Variants in WDR26 observed in about 807,000 individuals in gnomAD.
The protein encoded by WDR26 is WD repeat domain 26, also known as WD repeat-containing protein 26.
WDR26 carries 5 observed loss-of-function variants against 84.1 expected under a neutral mutation model. The observed-to-expected ratio is 0.06, with a 90% CI of 0.03 to 0.13. The LOEUF (loss-of-function observed/expected upper bound fraction) is 0.13, where lower values mean the gene tolerates loss of function less well. Among genes scored for constraint, WDR26 ranks in the 10% least tolerant of loss-of-function variants. The probability of loss-of-function intolerance (pLI) is 1.00; values close to 1 mark genes in which losing one functional copy is unlikely to be tolerated. For synonymous variants in WDR26, 415 were observed against 389.6 expected, an observed-to-expected ratio of 1.07 and a Z score of -0.77; for missense variants, 642 against 974.9, an observed-to-expected ratio of 0.66 and a Z score of 4.55.
intron 7 of WDR26, among the ~76,000 whole-genome samples, chr1:224,406,940 G>A (rs1186095755): frequency 6.6e-6 from 1 of 150,720 alleles, no homozygotes; most frequent in Non-Finnish European, 1.5e-5. Context: ...TGGCCAATGT[G>A]GTGAAACCCT....
chr1:224,407,698 T>C (rs999968228), intron 7 of WDR26, among the ~76,000 whole-genome samples: 36 of 151,850 alleles, frequency 2.4e-4, no homozygotes, highest in African/African-American at 8.5e-4. Flanking sequence ...TTACTAGAGA[T>C]GGGGTTTCAC....
chr1:224,425,402 G>T (rs368380498), intron 3 of WDR26, among the ~76,000 whole-genome samples: 8 of 152,306 alleles, frequency 5.3e-5, no homozygotes, highest in African/African-American at 1.9e-4. Flanking sequence ...TCTGATCACT[G>T]ATGCATTTAA....
chr1:224,404,692 C>T (rs1425987710), intron 7 of WDR26, 122 bp from the exon 8 acceptor site: 2 of 1,214,392 alleles, frequency 1.6e-6, no homozygotes, highest in Non-Finnish European at 2.2e-6. Flanking sequence ...ATTTTCAGAC[C>T]AATTTTCCCT....
At chr1:224,396,380 A>C (rs1469702970) in intron 12 of WDR26, among the ~76,000 whole-genome samples, 1 of 152,210 alleles carries the variant, frequency 6.6e-6, no homozygotes, top group African/African-American at 2.4e-5. Flanking sequence ...AGCAGGATTG[A>C]ATAGACCATG....
At chr1:224,394,073 A>G in intron 12 of WDR26, 60 bp from the exon 13 acceptor site, 1 of 1,309,162 alleles carries the variant, frequency 7.6e-7, no homozygotes, top group Admixed American at 2.5e-5. Context: ...AACTGATCTT[A>G]AATTTATCAT....
In WDR26 at chr1:224,385,731, T is replaced by A. The variant is rs2102879349; in HGVS notation, c.*4104A>T. The stretch of plus-strand genomic sequence containing the variant: ...ACACATTTTCAAGGAGCCAATAACA[T>A]TTTTTTCCATCTGTGCCTAAAAATG... On this transcript the variant is annotated 3_prime_UTR_variant, in exon 14 of 14. Coordinates refer to ENST00000414423, the MANE Select transcript of WDR26 (RefSeq NM_001379403.1). 1 of 152,660 alleles carries A rather than the reference T, an allele frequency of 6.6e-6. No individual in the cohort carries two copies. The highest frequency in any genetic ancestry group is 1.9e-4 in the East Asian group (1 of 5,190). The allele number at this position is 152,660 out of a possible 1,614,324, so 9.5% of individuals were successfully genotyped here.
rs1436874561 is a variant in WDR26, at chr1:224,433,856, C to T, written c.550G>A (p.Ala184Thr). 6.5e-7 allele frequency: 1 copy of T among 1,536,898 alleles called. No individual in the cohort carries two copies. The highest frequency in any genetic ancestry group is 1.2e-5 in the South Asian group (1 of 84,058). Residue 184 changes from alanine (A) to threonine (T), a missense_variant, in exon 1 of 14, where the codon GCG becomes ACG. This residue lies in a region of WDR26 where 291 missense variants were observed against 302.1 expected (regional missense o/e 0.96). Transcript: ENST00000414423. The stretch of plus-strand genomic sequence containing the variant: ...ACGGTGGCTGAGGATGCGGCGGCCG[C>T]CCCGCCGGGAACCCCGTTATTGACA...
chr1:224,386,594 CTAATAA>C lies in WDR26; in HGVS notation c.*3235_*3240del, dbSNP rs778562956. The C allele has an allele frequency of 1.3e-5, 2 of 152,466 alleles. No homozygotes were observed. Among genetic ancestry groups the C allele is most frequent in the African/African-American group, 4.8e-5 (2 of 41,402 alleles). The allele number at this position is 152,466 out of a possible 1,614,324, so 9.4% of individuals were successfully genotyped here. ...ATGCCACTGTAGAGGCAGAACACTC[CTAATAA>C]TAACATTCACCAGATTACTACTGCT... On this transcript the variant is annotated 3_prime_UTR_variant, in exon 14 of 14. Coordinates refer to ENST00000414423, the MANE Select transcript of WDR26 (RefSeq NM_001379403.1).
chr1:224,431,868 C>A, intron 1 of WDR26, 87 bp from the exon 2 acceptor site: 1 of 1,095,160 alleles, frequency 9.1e-7, no homozygotes, highest in Non-Finnish European at 1.2e-6. Flanking sequence ...AAAACAGATG[C>A]AAAGTTTTTA....
chr1:224,433,102 T>C (rs1332409519), intron 1 of WDR26, among the ~76,000 whole-genome samples: 1 of 152,220 alleles, frequency 6.6e-6, no homozygotes, highest in East Asian at 1.9e-4. Context: ...ATCTTCATTA[T>C]TCGCATCAGA....
intron 6 of WDR26, among the ~76,000 whole-genome samples, chr1:224,415,473 T>G (rs1380269655): frequency 2.3e-5 from 3 of 131,454 alleles, no homozygotes; most frequent in Admixed American, 7.4e-5. Flanking sequence ...TTTTTTTTTT[T>G]TTTTTGAGAC....
intron 12 of WDR26, among the ~76,000 whole-genome samples, chr1:224,394,559 C>T (rs966918410): frequency 1.3e-5 from 2 of 151,244 alleles, no homozygotes; most frequent in Non-Finnish European, 2.9e-5. Context: ...GGCTGGAGCG[C>T]AGTGGCAATA....
chr1:224,401,206 C>T (rs945489389), intron 8 of WDR26, 137 bp from the exon 9 acceptor site: 3 of 812,902 alleles, frequency 3.7e-6, no homozygotes, highest in Admixed American at 3.1e-5. Context: ...AGTGACCCTA[C>T]AAAAAAGAGA....
chr1:224,423,433 A>G (rs1031471329), intron 4 of WDR26, among the ~76,000 whole-genome samples: 6 of 152,218 alleles, frequency 3.9e-5, no homozygotes, highest in African/African-American at 1.4e-4. Flanking sequence ...TGCATTTATC[A>G]TGAAGGGGTG....
intron 4 of WDR26, among the ~76,000 whole-genome samples, chr1:224,420,024 A>G (rs1280712770): frequency 4.6e-5 from 7 of 152,226 alleles, no homozygotes. Flanking sequence ...AAGTAGGTAT[A>G]TAAACTCAGG....
intron 6 of WDR26, among the ~76,000 whole-genome samples, chr1:224,415,163 G>C (rs1673857540): frequency 6.6e-6 from 1 of 152,178 alleles, no homozygotes; most frequent in South Asian, 2.1e-4. Context: ...ACAGTAAAAA[G>C]CTAAGGCTGA....
chr1:224,415,631 T>C (rs1165948554), intron 6 of WDR26, among the ~76,000 whole-genome samples: 1 of 152,070 alleles, frequency 6.6e-6, no homozygotes, highest in Non-Finnish European at 1.5e-5. Flanking sequence ...CGGCTATTTT[T>C]TTTGTATTTT....
rs746965702 is a variant in WDR26, at chr1:224,399,019, G to C, written c.1735C>G (p.Leu579Val). ...CTTACCCCTTCCCAGGAGTCAAGGA[G>C]ATTACCATCTAAGTCCTGAGTAAGA... is the stretch of plus-strand genomic sequence containing the variant. The change falls in exon 10 of 14, where the codon CTC (leucine) becomes GTC (valine). Residue 579 changes from leucine to valine, a missense_variant. Leu to Val is a conservative substitution (Grantham distance 32, BLOSUM62 1). Around this residue, in one of 2 missense-constraint regions of WDR26, gnomAD observed 351 missense variants for 672.8 expected, o/e 0.52. Transcript: ENST00000414423. 1 of 1,564,000 alleles carries C rather than the reference G, an allele frequency of 6.4e-7. No homozygotes were observed. The highest frequency in any genetic ancestry group is 1.2e-5 in the South Asian group (1 of 83,250).
At chr1:224,407,928 T>C (rs1673628292) in intron 7 of WDR26, among the ~76,000 whole-genome samples, 1 of 152,140 alleles carries the variant, frequency 6.6e-6, no homozygotes, top group Non-Finnish European at 1.5e-5. Context: ...TATCTAAAAA[T>C]TACAGTCTCT....
Sources: allele counts gnomAD v4.1 joint callset (sites outside exome capture counted in the v4.1 genomes callset), GRCh38; gene constraint gnomAD v4.1.1; regional missense constraint gnomAD v4.1.1; transcripts MANE v1.5; gene names NCBI Gene and HGNC (gene_info 2026-07-23, HGNC 2026-07-21).